RAB38: variants seen among roughly 807,000 people sequenced by gnomAD.
RAB38 encodes ras-related protein Rab-38.
RAB38 carries 15 observed loss-of-function variants against 18.4 expected under a neutral mutation model. The ratio of observed to expected loss-of-function variants is 0.82; its 90% CI spans 0.55 to 1.26. The LOEUF (loss-of-function observed/expected upper bound fraction) is 1.26, where lower values mean the gene tolerates loss of function less well. RAB38 is among the 50% of genes most tolerant of loss of function. The pLI is 0.00. For missense variants in RAB38, 294 were observed against 267.4 expected (o/e 1.10, Z -0.69); for synonymous variants, 101 against 104.4 (o/e 0.97, Z 0.20).
chr11:88,116,314 C>A (rs1942552468), intron 2 of RAB38, among the ~76,000 whole-genome samples: 1 of 152,234 alleles, frequency 6.6e-6, no homozygotes, highest in Non-Finnish European at 1.5e-5. Flanking sequence ...AGAGCCATCA[C>A]ATCTCATTAA....
At chr11:87,839,279 T>C in the RAB38 span, among the ~76,000 whole-genome samples, 2 of 152,210 alleles carry the variant, frequency 1.3e-5, no homozygotes, top group African/African-American at 4.8e-5. Flanking sequence ...AACTATGTAA[T>C]ACATTGCTTT....
intron 2 of RAB38, among the ~76,000 whole-genome samples, chr11:88,133,964 G>A (rs1045123915): frequency 6.6e-6 from 1 of 152,150 alleles, no homozygotes; most frequent in Non-Finnish European, 1.5e-5. Context: ...GATTAGTCCT[G>A]AGTCCTTTTC....
the RAB38 span, among the ~76,000 whole-genome samples, chr11:87,805,642 C>T: frequency 1.7e-4 from 25 of 150,350 alleles, 3 homozygotes; most frequent in Admixed American, 1.3e-3. Flanking sequence ...CACACACACA[C>T]ATATACACAT....
the RAB38 span, among the ~76,000 whole-genome samples, chr11:87,948,586 T>C: frequency 6.6e-6 from 1 of 152,078 alleles, no homozygotes; most frequent in Non-Finnish European, 1.5e-5. Flanking sequence ...ATCTAATTTA[T>C]TGAGAGTTTT....
At chr11:87,892,316 G>A in the RAB38 span, among the ~76,000 whole-genome samples, 4 of 151,872 alleles carry the variant, frequency 2.6e-5, no homozygotes, top group Admixed American at 2.6e-4. Context: ...TAATTACTGA[G>A]TCCTAAAAAA....
intron 1 of RAB38, among the ~76,000 whole-genome samples, chr11:88,172,461 C>A (rs1006805463): frequency 2.0e-5 from 3 of 152,170 alleles, no homozygotes; most frequent in Admixed American, 2.0e-4. Flanking sequence ...AAGAGTCTAG[C>A]TGAGCCAAGA....
the RAB38 span, chr11:87,816,487 TTTA>T: frequency 1.3e-5 from 2 of 152,224 alleles, no homozygotes; most frequent in African/African-American, 4.8e-5. Context: ...TTTGAGGGGC[TTTA>T]TTATTAGGAT....
the RAB38 span, among the ~76,000 whole-genome samples, chr11:87,844,606 G>A: frequency 1.3e-5 from 2 of 152,074 alleles, no homozygotes; most frequent in African/African-American, 4.8e-5. Context: ...TTTATCTCAG[G>A]TTTCTTACTT....
the RAB38 span, among the ~76,000 whole-genome samples, chr11:87,847,214 C>A: frequency 6.6e-6 from 1 of 151,944 alleles, no homozygotes; most frequent in African/African-American, 2.4e-5. Context: ...AAGTAAAAAT[C>A]TGTTTTTTAA....
intron 2 of RAB38, among the ~76,000 whole-genome samples, chr11:88,123,114 C>A (rs1308164127): frequency 2.6e-5 from 4 of 152,206 alleles, no homozygotes; most frequent in Non-Finnish European, 5.9e-5. Context: ...CTTCTTCCTT[C>A]AGGTCATTCT....
the RAB38 span, among the ~76,000 whole-genome samples, chr11:87,893,372 A>ATATATATATATATGTGTG: frequency 1.8e-4 from 5 of 28,442 alleles, no homozygotes; most frequent in African/African-American, 3.7e-4. Flanking sequence ...TATATTTTAC[A>ATATATATATATATGTGTG]TATATATATA....
the RAB38 span, among the ~76,000 whole-genome samples, chr11:88,037,212 A>G: frequency 2.6e-5 from 4 of 152,066 alleles, no homozygotes; most frequent in African/African-American, 9.6e-5. Flanking sequence ...ATTTTTGCAT[A>G]GGATTTCAAA....
chr11:87,831,261 A>G, the RAB38 span, among the ~76,000 whole-genome samples: 2 of 152,170 alleles, frequency 1.3e-5, no homozygotes, highest in African/African-American at 4.8e-5. Flanking sequence ...GAGAGAGACA[A>G]GATGCACACA....
At chr11:87,827,465 T>C in the RAB38 span, among the ~76,000 whole-genome samples, 1 of 151,912 alleles carries the variant, frequency 6.6e-6, no homozygotes, top group Non-Finnish European at 1.5e-5. Context: ...AAATGTTATT[T>C]CCCCCTAAGG....
the RAB38 span, among the ~76,000 whole-genome samples, chr11:87,818,370 G>C: frequency 6.6e-6 from 1 of 152,004 alleles, no homozygotes; most frequent in African/African-American, 2.4e-5. Context: ...CTTATTCCTG[G>C]TCCTGTGCAA....
chr11:87,954,763 C>A, the RAB38 span, among the ~76,000 whole-genome samples: 1 of 152,090 alleles, frequency 6.6e-6, no homozygotes, highest in African/African-American at 2.4e-5. Flanking sequence ...CTGCAGAAAG[C>A]AAGGACACTT....
the RAB38 span, among the ~76,000 whole-genome samples, chr11:87,896,577 G>A: frequency 7.3e-5 from 11 of 151,552 alleles, no homozygotes; most frequent in Non-Finnish European, 1.3e-4. Flanking sequence ...ACCATCTCCT[G>A]TAGTTGTTGG....
At chr11:88,023,755 A>C in the RAB38 span, among the ~76,000 whole-genome samples, 1 of 152,104 alleles carries the variant, frequency 6.6e-6, no homozygotes, top group Non-Finnish European at 1.5e-5. Flanking sequence ...CCTACAGTAA[A>C]CTCATTTTTG....
chr11:87,942,315 CTG>C, the RAB38 span, among the ~76,000 whole-genome samples: 5 of 152,096 alleles, frequency 3.3e-5, no homozygotes, highest in Non-Finnish European at 5.9e-5. Flanking sequence ...ACTCACCAAA[CTG>C]TGAAGGAGAA....
Sources: gnomAD v4.1 joint callset for allele counts (sites outside exome capture counted in the v4.1 genomes callset) on GRCh38, gnomAD v4.1.1 for gene constraint, MANE v1.5 for transcripts, NCBI Gene and HGNC (gene_info 2026-07-23, HGNC 2026-07-21) for gene names.